Variants in DLGAP2 observed in about 807,000 individuals in gnomAD.
The protein encoded by DLGAP2 is DLG associated protein 2, also known as disks large-associated protein 2.
A neutral mutation model predicts 100.3 loss-of-function variants in DLGAP2; 26 were observed. The ratio of observed to expected loss-of-function variants is 0.26; its 90% CI spans 0.19 to 0.36. The LOEUF (loss-of-function observed/expected upper bound fraction) is 0.36. Ranked by LOEUF, DLGAP2 falls within the 10% of genes least tolerant of loss-of-function variation. The pLI is 1.00. For missense variants in DLGAP2, 1,858 were observed against 1,453.2 expected (o/e 1.28, Z -4.53); for synonymous variants, 886 against 630.1 (o/e 1.41, Z -6.08).
At chr8:759,165 G>A (rs73673008) in intron 1 of DLGAP2, among the ~76,000 whole-genome samples, 3,202 of 18,636 alleles carry the variant, frequency 0.17, 60 homozygotes, top group African/African-American at 0.26. Flanking sequence ...ACCCCCCACA[G>A]CCTTCCCGTT....
intron 3 of DLGAP2, among the ~76,000 whole-genome samples, chr8:1,292,834 C>G (rs1800090903): frequency 6.6e-6 from 1 of 152,130 alleles, no homozygotes; most frequent in Admixed American, 6.5e-5. Context: ...TTCACTCCTG[C>G]TCATCCACAC....
At chr8:1,413,333 G>A (rs1796788477) in intron 3 of DLGAP2, among the ~76,000 whole-genome samples, 1 of 152,154 alleles carries the variant, frequency 6.6e-6, no homozygotes, top group Non-Finnish European at 1.5e-5. Context: ...CAAGAACAGA[G>A]GAAGAAAATG....
At chr8:1,488,180 C>T (rs548812933) in intron 3 of DLGAP2, among the ~76,000 whole-genome samples, 74 of 152,236 alleles carry the variant, frequency 4.9e-4, no homozygotes, top group Admixed American at 4.8e-3. Flanking sequence ...CCACACAGTC[C>T]TCCCCACACT....
At chr8:1,589,761 G>A (rs538538983) in intron 6 of DLGAP2, among the ~76,000 whole-genome samples, 34 of 152,338 alleles carry the variant, frequency 2.2e-4, no homozygotes, top group African/African-American at 7.9e-4. Flanking sequence ...ACATTACAGG[G>A]AGTGGTTGGG....
chr8:1,116,154 A>G (rs1285613282), intron 2 of DLGAP2, among the ~76,000 whole-genome samples: 1 of 152,172 alleles, frequency 6.6e-6, no homozygotes, highest in Non-Finnish European at 1.5e-5. Context: ...TCCCATCCCC[A>G]TGGGGTGCGC....
chr8:1,055,279 A>C (rs565914321), intron 2 of DLGAP2, among the ~76,000 whole-genome samples: 1 of 152,346 alleles, frequency 6.6e-6, no homozygotes, highest in South Asian at 2.1e-4. Context: ...ACAGAAGATG[A>C]GTGCATTAAG....
At chr8:1,518,599 T>C (rs926154230) in intron 4 of DLGAP2, among the ~76,000 whole-genome samples, 15 of 152,280 alleles carry the variant, frequency 9.9e-5, no homozygotes, top group African/African-American at 3.6e-4. Context: ...CGTGGTGATT[T>C]CGGCCCAGAC....
In DLGAP2 at chr8:1,619,594, C is replaced by G. The variant is rs112436100; in HGVS notation, c.1443-7146C>G. On this transcript the variant is annotated intron_variant, in intron 6 of 14. Coordinates refer to ENST00000637795, the MANE Select transcript of DLGAP2 (RefSeq NM_001346810.2). Reference sequence around the variant, plus strand: ...AGACATCTACCAAATGCTAAAATCTCGAGTCACAATACAGGTCTTGCAAGG... The same window carrying G: ...AGACATCTACCAAATGCTAAAATCTGGAGTCACAATACAGGTCTTGCAAGG... 3 of 152,264 alleles carry G rather than the reference C, an allele frequency of 2.0e-5. No homozygotes were observed. The East Asian group carries it at 5.8e-4, about 29-fold the overall frequency. The allele number at this position is 152,264 out of a possible 1,614,324, so 9.4% of individuals were successfully genotyped here.
intron 4 of DLGAP2, among the ~76,000 whole-genome samples, chr8:1,538,115 A>AT (rs1362078760): frequency 6.6e-6 from 1 of 152,106 alleles, no homozygotes; most frequent in Non-Finnish European, 1.5e-5. Flanking sequence ...GGGGCTGCCG[A>AT]GGCACTCATG....
intron 2 of DLGAP2, among the ~76,000 whole-genome samples, chr8:1,225,022 A>G (rs1013189046): frequency 1.3e-5 from 2 of 152,222 alleles, no homozygotes; most frequent in African/African-American, 4.8e-5. Context: ...GCCATTGTGG[A>G]AAAGAGTTTA....
At chr8:874,911 T>C (rs574865324) in intron 1 of DLGAP2, among the ~76,000 whole-genome samples, 2 of 152,336 alleles carry the variant, frequency 1.3e-5, no homozygotes, top group East Asian at 3.9e-4. Flanking sequence ...TGTGTGTATA[T>C]ATGTATGTCT....
At chr8:748,314 G>A (rs879362770) in intron 1 of DLGAP2, among the ~76,000 whole-genome samples, 95 of 151,954 alleles carry the variant, frequency 6.3e-4, no homozygotes, top group Non-Finnish European at 1.2e-3. Flanking sequence ...GGGGGACTCC[G>A]TGGTGGGATG....
At chr8:1,677,275 G>A (rs1173572405) in intron 11 of DLGAP2, among the ~76,000 whole-genome samples, 4 of 152,030 alleles carry the variant, frequency 2.6e-5, no homozygotes, top group African/African-American at 4.8e-5. Flanking sequence ...AAGAAATTCC[G>A]ACCCCAGCTT....
chr8:1,478,773 T>C (rs919614748), intron 3 of DLGAP2, among the ~76,000 whole-genome samples: 2 of 152,312 alleles, frequency 1.3e-5, no homozygotes, highest in East Asian at 1.9e-4. Context: ...GAGAGGTGCA[T>C]GTTGCTGGGA....
chr8:1,466,305 C>G (rs921198308), intron 3 of DLGAP2, among the ~76,000 whole-genome samples: 1 of 151,996 alleles, frequency 6.6e-6, no homozygotes, highest in Non-Finnish European at 1.5e-5. Context: ...GCAACCTGAG[C>G]CAAGCAGAGC....
chr8:1,244,745 A>G (rs1798868912), intron 2 of DLGAP2, among the ~76,000 whole-genome samples: 1 of 152,284 alleles, frequency 6.6e-6, no homozygotes. Context: ...CCCAAAGCGC[A>G]AAGCACAAGC....
chr8:1,373,296 C>T (rs1424271675), intron 3 of DLGAP2, among the ~76,000 whole-genome samples: 1 of 147,694 alleles, frequency 6.8e-6, no homozygotes, highest in South Asian at 2.1e-4. Context: ...GTGTCGGGAG[C>T]AGGGGCCGCG....
At chr8:1,196,463 G>T (rs966147089) in intron 2 of DLGAP2, among the ~76,000 whole-genome samples, 3 of 152,148 alleles carry the variant, frequency 2.0e-5, no homozygotes, top group Admixed American at 6.5e-5. Flanking sequence ...CTGTGCCCCC[G>T]AAGGAAATAT....
At chr8:1,544,194 C>T (rs1334460009) in intron 4 of DLGAP2, among the ~76,000 whole-genome samples, 7 of 152,154 alleles carry the variant, frequency 4.6e-5, no homozygotes, top group Admixed American at 2.0e-4. Context: ...TGAGTGACTG[C>T]GTCTGGCCCT....
Sources: allele counts gnomAD v4.1 joint callset (sites outside exome capture counted in the v4.1 genomes callset), GRCh38; gene constraint gnomAD v4.1.1; transcripts MANE v1.5; gene names NCBI Gene and HGNC (gene_info 2026-07-23, HGNC 2026-07-21).